The following FHIT variants were observed in gnomAD, a reference collection of about 807,000 sequenced individuals.
FHIT encodes the protein fragile histidine triad diadenosine triphosphatase.
Under a neutral mutation model 17.9 loss-of-function variants are expected in FHIT, and 19 were observed. The ratio of observed to expected loss-of-function variants is 1.06; its 90% CI spans 0.74 to 1.56. The LOEUF is 1.56. FHIT is among the 40% of genes most tolerant of loss of function. FHIT has a pLI of 0.00. For synonymous variants in FHIT, 81 were observed against 69.7 expected (o/e 1.16, Z -0.81); for missense variants, 248 against 189.2 (o/e 1.31, Z -1.82).
intron 5 of FHIT, among the ~76,000 whole-genome samples, chr3:60,024,160 A>G (rs1042278891): frequency 2.6e-5 from 4 of 152,226 alleles, no homozygotes; most frequent in Admixed American, 2.0e-4. Context: ...AAGTTCAAAG[A>G]TAACAGTGTT....
intron 4 of FHIT, among the ~76,000 whole-genome samples, chr3:60,807,215 C>T (rs558070847): frequency 6.6e-6 from 1 of 152,100 alleles, no homozygotes; most frequent in African/African-American, 2.4e-5. Context: ...TTTCTTCCCC[C>T]CTTTTGGATG....
At chr3:61,025,031 C>T (rs920457269) in intron 3 of FHIT, among the ~76,000 whole-genome samples, 9 of 138,710 alleles carry the variant, frequency 6.5e-5, no homozygotes, top group Non-Finnish European at 1.2e-4. Context: ...CTTCTCTCCA[C>T]TCTCCATTTC....
intron 8 of FHIT, among the ~76,000 whole-genome samples, chr3:59,868,724 C>T (rs763668118): frequency 1.1e-4 from 16 of 152,198 alleles, no homozygotes; most frequent in Non-Finnish European, 2.9e-5. Context: ...GGGTATTGGG[C>T]TGACTTCCTG....
intron 7 of FHIT, among the ~76,000 whole-genome samples, chr3:59,985,947 CAGAG>C (rs1178118598): frequency 2.0e-5 from 3 of 150,754 alleles, no homozygotes; most frequent in African/African-American, 7.3e-5. Flanking sequence ...CTCTCACAAA[CAGAG>C]AGAGAGAAAA....
At chr3:60,135,603 T>G (rs1418677652) in intron 5 of FHIT, among the ~76,000 whole-genome samples, 2 of 152,200 alleles carry the variant, frequency 1.3e-5, no homozygotes, top group East Asian at 3.9e-4. Flanking sequence ...GTAACCCGAC[T>G]GACTTATTTG....
At chr3:60,743,938 G>C (rs1301903872) in intron 4 of FHIT, among the ~76,000 whole-genome samples, 1 of 152,168 alleles carries the variant, frequency 6.6e-6, no homozygotes, top group Non-Finnish European at 1.5e-5. Context: ...TCTTTGCACA[G>C]TTAATTATTT....
chr3:60,468,113 G>C (rs1414402460), intron 5 of FHIT, among the ~76,000 whole-genome samples: 1 of 151,916 alleles, frequency 6.6e-6, no homozygotes, highest in Non-Finnish European at 1.5e-5. Flanking sequence ...AGCTCCTCCT[G>C]CTCTTTTTGG....
At chr3:60,005,547 A>C (rs1252998845) in intron 7 of FHIT, among the ~76,000 whole-genome samples, 3 of 152,204 alleles carry the variant, frequency 2.0e-5, no homozygotes, top group African/African-American at 7.2e-5. Flanking sequence ...CCACATGTAC[A>C]CCCAAACCCA....
At chr3:59,810,178 T>C (rs990588708) in intron 8 of FHIT, among the ~76,000 whole-genome samples, 1 of 152,060 alleles carries the variant, frequency 6.6e-6, no homozygotes, top group Non-Finnish European at 1.5e-5. Context: ...CTGAAAGCCA[T>C]CGTCATTTGT....
chr3:60,526,155 C>T (rs2035567543), intron 5 of FHIT, among the ~76,000 whole-genome samples: 1 of 151,684 alleles, frequency 6.6e-6, no homozygotes. Context: ...CACACACACA[C>T]ACACACACAA....
At chr3:60,733,394 T>C (rs1457453961) in intron 4 of FHIT, among the ~76,000 whole-genome samples, 1 of 152,264 alleles carries the variant, frequency 6.6e-6, no homozygotes, top group Non-Finnish European at 1.5e-5. Flanking sequence ...TATTTCTATA[T>C]TCCTGTGTAG....
At chr3:60,760,542 C>T (rs1559700896) in intron 4 of FHIT, among the ~76,000 whole-genome samples, 1 of 152,138 alleles carries the variant, frequency 6.6e-6, no homozygotes, top group Non-Finnish European at 1.5e-5. Flanking sequence ...TCCACAAATC[C>T]TACTAATATT....
intron 4 of FHIT, among the ~76,000 whole-genome samples, chr3:60,808,792 C>G (rs1428296985): frequency 1.3e-5 from 2 of 152,182 alleles, no homozygotes; most frequent in Non-Finnish European, 2.9e-5. Context: ...GTTCTCCCCC[C>G]TGATTTCTTA....
chr3:60,822,753 G>T (rs1701970958), intron 3 of FHIT, among the ~76,000 whole-genome samples: 1 of 152,072 alleles, frequency 6.6e-6, no homozygotes, highest in African/African-American at 2.4e-5. Flanking sequence ...AGGGCAAAGT[G>T]AAAGCCCCAT....
At chr3:60,091,736 A>T (rs1703742075) in intron 5 of FHIT, among the ~76,000 whole-genome samples, 1 of 152,094 alleles carries the variant, frequency 6.6e-6, no homozygotes, top group African/African-American at 2.4e-5. Flanking sequence ...GCTGTTTAAA[A>T]GTGTGCGGCA....
chr3:61,220,515 T>G (rs1056971954), intron 1 of FHIT, among the ~76,000 whole-genome samples: 1 of 152,192 alleles, frequency 6.6e-6, no homozygotes, highest in African/African-American at 2.4e-5. Flanking sequence ...TCAGATACAT[T>G]TAGAGTCCAG....
chr3:60,271,359 C>T (rs144890493), intron 5 of FHIT, among the ~76,000 whole-genome samples: 90 of 152,154 alleles, frequency 5.9e-4, no homozygotes, highest in African/African-American at 2.0e-3. Context: ...GCTGAGATCC[C>T]GCCACTGCAC....
chr3:60,711,256 C>G (rs2041522358), intron 4 of FHIT, among the ~76,000 whole-genome samples: 1 of 152,264 alleles, frequency 6.6e-6, no homozygotes, highest in Non-Finnish European at 1.5e-5. Flanking sequence ...AGGACATCCA[C>G]ACCAAAAACC....
chr3:60,098,888 G>T (rs189648162), intron 5 of FHIT, among the ~76,000 whole-genome samples: 1 of 152,290 alleles, frequency 6.6e-6, no homozygotes, highest in African/African-American at 2.4e-5. Context: ...CTGCCTGGGA[G>T]TCAGCACCCC....
Sources: gnomAD v4.1 joint callset for allele counts (sites outside exome capture counted in the v4.1 genomes callset) on GRCh38, gnomAD v4.1.1 for gene constraint, MANE v1.5 for transcripts, NCBI Gene and HGNC (gene_info 2026-07-23, HGNC 2026-07-21) for gene names.